Variants in TAFA1 observed in about 807,000 individuals in gnomAD.
TAFA1 encodes the protein chemokine-like protein TAFA-1.
Under a neutral mutation model 18.5 loss-of-function variants are expected in TAFA1, and 4 were observed. The ratio of observed to expected loss-of-function variants is 0.22; its 90% CI spans 0.11 to 0.49. The LOEUF (loss-of-function observed/expected upper bound fraction) is 0.49, where lower values mean the gene tolerates loss of function less well. Among genes scored for constraint, TAFA1 ranks in the 20% least tolerant of loss-of-function variants. TAFA1 has a pLI of 0.98. For missense variants in TAFA1, 147 were observed against 169.0 expected (o/e 0.87, Z 0.72); for synonymous variants, 56 against 55.2 (o/e 1.01, Z -0.06).
intron 2 of TAFA1, among the ~76,000 whole-genome samples, chr3:68,093,401 C>T (rs994038456): frequency 6.6e-6 from 1 of 152,136 alleles, no homozygotes; most frequent in Non-Finnish European, 1.5e-5. Flanking sequence ...CTTATTTCAG[C>T]TCTGAGGAAG....
intron 2 of TAFA1, among the ~76,000 whole-genome samples, chr3:68,115,605 G>A (rs2065315732): frequency 6.6e-6 from 1 of 152,160 alleles, no homozygotes; most frequent in Non-Finnish European, 1.5e-5. Context: ...TAGCTAAGGT[G>A]CTCCTTAGAG....
intron 2 of TAFA1, among the ~76,000 whole-genome samples, chr3:68,304,599 T>C (rs553478175): frequency 1.1e-3 from 160 of 152,288 alleles, no homozygotes; most frequent in African/African-American, 3.7e-3. Context: ...ACCTAGGAAA[T>C]GAGATAAATT....
chr3:68,541,162 C>G (rs2073367155), intron 4 of TAFA1, among the ~76,000 whole-genome samples: 1 of 152,198 alleles, frequency 6.6e-6, no homozygotes, highest in Non-Finnish European at 1.5e-5. Context: ...TGAGAATTCT[C>G]AAGTCTGTCC....
At chr3:68,376,590 TC>T (rs2069822443) in intron 2 of TAFA1, among the ~76,000 whole-genome samples, 1 of 152,172 alleles carries the variant, frequency 6.6e-6, no homozygotes, top group Non-Finnish European at 1.5e-5. Context: ...AGGATCTCAT[TC>T]TTTTTTACAG....
At chr3:68,512,453 C>G (rs2072862970) in intron 3 of TAFA1, among the ~76,000 whole-genome samples, 1 of 152,086 alleles carries the variant, frequency 6.6e-6, no homozygotes, top group Non-Finnish European at 1.5e-5. Context: ...CAGATACAGT[C>G]CTATTACCAT....
chr3:68,126,910 G>A (rs896848230), intron 2 of TAFA1, among the ~76,000 whole-genome samples: 1 of 152,120 alleles, frequency 6.6e-6, no homozygotes, highest in Non-Finnish European at 1.5e-5. Flanking sequence ...CAAGGCAATG[G>A]GTTCGTAATT....
At chr3:68,474,836 A>G (rs1163527282) in intron 3 of TAFA1, among the ~76,000 whole-genome samples, 1 of 152,210 alleles carries the variant, frequency 6.6e-6, no homozygotes, top group African/African-American at 2.4e-5. Context: ...GAGAGAAGCA[A>G]TGAAAATGAC....
chr3:68,093,007 C>T (rs1169229547), intron 2 of TAFA1, among the ~76,000 whole-genome samples: 1 of 152,138 alleles, frequency 6.6e-6, no homozygotes, highest in Non-Finnish European at 1.5e-5. Context: ...CTTTTGGATA[C>T]ATAATCAGTC....
At chr3:68,481,326 G>T (rs1489076638) in intron 3 of TAFA1, among the ~76,000 whole-genome samples, 2 of 152,174 alleles carry the variant, frequency 1.3e-5, no homozygotes, top group Non-Finnish European at 2.9e-5. Context: ...TGGATTGGGG[G>T]TCTATAAACA....
At chr3:68,082,028 T>G (rs2064909153) in intron 2 of TAFA1, among the ~76,000 whole-genome samples, 1 of 152,224 alleles carries the variant, frequency 6.6e-6, no homozygotes. Flanking sequence ...CGCTGTTTTT[T>G]AAGCCCATTG....
At chr3:68,304,898 C>T (rs2068375731) in intron 2 of TAFA1, among the ~76,000 whole-genome samples, 1 of 151,946 alleles carries the variant, frequency 6.6e-6, no homozygotes, top group African/African-American at 2.4e-5. Context: ...AAAAGGTCAC[C>T]CCAGTAGACC....
In TAFA1 at chr3:68,506,081, C is replaced by G. The variant is rs117047527; in HGVS notation, c.260-32675C>G. On this transcript the variant is annotated intron_variant, in intron 3 of 4. Coordinates refer to ENST00000478136, the MANE Select transcript of TAFA1 (RefSeq NM_213609.4). The stretch of plus-strand genomic sequence containing the variant: ...TAGGCCCCAGTGCATGATGTTCCCC[C>G]CTCTGTGTCCATGTGTTCTCATTTT... 1.0e-2 allele frequency among the ~76,000 whole-genome samples: 1,519 copies of G among 151,924 alleles called. 51 individuals are homozygous for G. Among genetic ancestry groups the G allele is most frequent in the East Asian group, 0.095 (488 of 5,116 alleles).
chr3:68,268,541 TG>T (rs1157903222), intron 2 of TAFA1, among the ~76,000 whole-genome samples: 1 of 151,868 alleles, frequency 6.6e-6, no homozygotes, highest in African/African-American at 2.4e-5. Flanking sequence ...TCTCCCCCAC[TG>T]GGAGAAAATA....
chr3:68,134,364 T>C (rs1221653404), intron 2 of TAFA1, among the ~76,000 whole-genome samples: 1 of 152,216 alleles, frequency 6.6e-6, no homozygotes, highest in Non-Finnish European at 1.5e-5. Flanking sequence ...TGCGTGTGTG[T>C]GTGTGTGTAT....
intron 2 of TAFA1, among the ~76,000 whole-genome samples, chr3:68,278,862 T>G (rs2067844755): frequency 6.6e-6 from 1 of 152,132 alleles, no homozygotes; most frequent in Non-Finnish European, 1.5e-5. Context: ...ATGACACAGA[T>G]TCTGCCTATC....
At chr3:68,236,101 G>A (rs556868256) in intron 2 of TAFA1, among the ~76,000 whole-genome samples, 1 of 152,210 alleles carries the variant, frequency 6.6e-6, no homozygotes, top group African/African-American at 2.4e-5. Context: ...CTACCCACCT[G>A]GGTCACTCTA....
intron 3 of TAFA1, among the ~76,000 whole-genome samples, chr3:68,475,229 T>A (rs967566301): frequency 6.6e-5 from 10 of 152,078 alleles, no homozygotes; most frequent in African/African-American, 2.4e-4. Context: ...TACATATGTA[T>A]ACATGTGTCA....
intron 2 of TAFA1, among the ~76,000 whole-genome samples, chr3:68,079,291 G>T (rs75387548): frequency 2.6e-5 from 4 of 152,072 alleles, no homozygotes; most frequent in African/African-American, 7.2e-5. Context: ...TTTTTGAAGG[G>T]TTTTTTGTGT....
At chr3:68,175,585 C>G (rs1192135281) in intron 2 of TAFA1, among the ~76,000 whole-genome samples, 2 of 152,140 alleles carry the variant, frequency 1.3e-5, no homozygotes, top group Non-Finnish European at 2.9e-5. Flanking sequence ...TTGTTTCGGC[C>G]AATCTCTCCC....
Sources: gnomAD v4.1 joint callset for allele counts (sites outside exome capture counted in the v4.1 genomes callset) on GRCh38, gnomAD v4.1.1 for gene constraint, MANE v1.5 for transcripts, NCBI Gene and HGNC (gene_info 2026-07-23, HGNC 2026-07-21) for gene names.